The following CMTM7 variants were observed in gnomAD, a reference collection of about 807,000 sequenced individuals.
CMTM7 encodes CKLF like MARVEL transmembrane domain containing 7, also known as CKLF-like MARVEL transmembrane domain-containing protein 7.
Under a neutral mutation model 19.3 loss-of-function variants are expected in CMTM7, and 7 were observed. That is an observed-to-expected ratio of 0.36 (90% CI 0.21 to 0.68). The LOEUF is 0.68. CMTM7 is among the 30% of genes least tolerant of loss of function. CMTM7 has a pLI of 0.60. For synonymous variants in CMTM7, 87 were observed against 99.3 expected (o/e 0.88, Z 0.74); for missense variants, 193 against 232.6 (o/e 0.83, Z 1.11).
chr3:32,393,772 CAAA>C (rs34745605), intron 1 of CMTM7, among the ~76,000 whole-genome samples: 9 of 92,424 alleles, frequency 9.7e-5, no homozygotes, highest in Admixed American at 3.4e-4. Context: ...AGGCCTGTCT[CAAA>C]AAAAAAAAAA....
At chr3:32,452,584 G>T (rs183686767) in intron 4 of CMTM7, 111 bp downstream of exon 4, 2 of 1,127,666 alleles carry the variant, frequency 1.8e-6, no homozygotes, top group Admixed American at 3.5e-5. Context: ...GTGTTCCAAG[G>T]GGACTTTAGA....
intron 1 of CMTM7, among the ~76,000 whole-genome samples, chr3:32,402,743 T>A (rs531135394): frequency 5.9e-5 from 9 of 152,102 alleles, no homozygotes; most frequent in African/African-American, 2.2e-4. Flanking sequence ...ACTTTTGTAT[T>A]TTTACTAGAG....
intron 2 of CMTM7, among the ~76,000 whole-genome samples, chr3:32,447,023 A>G (rs113320146): frequency 0.01 from 1,594 of 152,092 alleles, 11 homozygotes; most frequent in African/African-American, 0.014. Context: ...CTAATTTGAG[A>G]CCTTCCTTCT....
intron 1 of CMTM7, among the ~76,000 whole-genome samples, chr3:32,423,288 A>T (rs73826531): frequency 0.014 from 2,115 of 152,310 alleles, 49 homozygotes; most frequent in African/African-American, 0.048. Context: ...AGCACACCAA[A>T]CTCAAAAGGA....
chr3:32,428,279 G>C (rs1304127253), intron 1 of CMTM7, among the ~76,000 whole-genome samples: 1 of 152,184 alleles, frequency 6.6e-6, no homozygotes, highest in East Asian at 1.9e-4. Flanking sequence ...GAGGTGGCCA[G>C]AGTGCAGCCT....
intron 1 of CMTM7, among the ~76,000 whole-genome samples, chr3:32,440,405 CA>C (rs1167647156): frequency 3.4e-5 from 5 of 146,528 alleles, no homozygotes; most frequent in Admixed American, 6.8e-5. Flanking sequence ...GACTCCATCT[CA>C]AAAAAAAAAG....
At chr3:32,413,387 G>A (rs1318955077) in intron 1 of CMTM7, among the ~76,000 whole-genome samples, 1 of 152,136 alleles carries the variant, frequency 6.6e-6, no homozygotes, top group Non-Finnish European at 1.5e-5. Flanking sequence ...CTTAAAGACA[G>A]TGACATATCA....
At chr3:32,437,996 G>C (rs1263692145) in intron 1 of CMTM7, among the ~76,000 whole-genome samples, 1 of 152,190 alleles carries the variant, frequency 6.6e-6, no homozygotes, top group Non-Finnish European at 1.5e-5. Context: ...GAGCTAGAAG[G>C]CACCTTAAGA....
chr3:32,437,960 T>C (rs1419865203), intron 1 of CMTM7, among the ~76,000 whole-genome samples: 1 of 152,198 alleles, frequency 6.6e-6, no homozygotes, highest in Non-Finnish European at 1.5e-5. Flanking sequence ...GACAGTTCAA[T>C]ATAAAAGAAC....
intron 1 of CMTM7, among the ~76,000 whole-genome samples, chr3:32,394,471 T>C (rs1192296095): frequency 6.6e-6 from 1 of 152,178 alleles, no homozygotes; most frequent in Non-Finnish European, 1.5e-5. Context: ...TCTTAAGAAA[T>C]CATTGCAAAG....
At position 32,428,186 on chromosome 3, in the gene CMTM7, G is replaced by A. The variant is rs576416804; in HGVS notation, c.160-13654G>A. Among the ~76,000 whole-genome samples, 65 of 152,174 alleles carry A rather than the reference G, an allele frequency of 4.3e-4. 1 individual carries two copies. Among genetic ancestry groups the A allele is most frequent in the Non-Finnish European group, 8.1e-4 (55 of 68,024 alleles). On this transcript the variant is annotated intron_variant, in intron 1 of 4. Transcript: ENST00000334983. ...TTGTGGCTATACCCTGAGCAGTGAG[G>A]AAGGCCCACCAGCTCTCTCCAAAGC...
chr3:32,424,637 G>GT (rs35838426), intron 1 of CMTM7, among the ~76,000 whole-genome samples: 38,700 of 144,624 alleles, frequency 0.27, 5,370 homozygotes, highest in Middle Eastern at 0.38. Context: ...TTGGGGAAAG[G>GT]TTTTTTTTTT....
intron 1 of CMTM7, among the ~76,000 whole-genome samples, chr3:32,426,307 C>A (rs1696432307): frequency 6.6e-6 from 1 of 152,168 alleles, no homozygotes; most frequent in Non-Finnish European, 1.5e-5. Context: ...ATTTTCACAC[C>A]ATGAGTCTTT....
intron 1 of CMTM7, among the ~76,000 whole-genome samples, chr3:32,405,163 T>C (rs1696071702): frequency 6.6e-6 from 1 of 152,212 alleles, no homozygotes; most frequent in Non-Finnish European, 1.5e-5. Flanking sequence ...GGCCAACCTC[T>C]TGTTGCAGTC....
chr3:32,398,506 G>C (rs984746183), intron 1 of CMTM7, among the ~76,000 whole-genome samples: 1 of 152,044 alleles, frequency 6.6e-6, no homozygotes, highest in Admixed American at 6.6e-5. Flanking sequence ...TACTCAAATA[G>C]AGAAAATAAA....
At chr3:32,435,959 AG>A (rs1483884781) in intron 1 of CMTM7, among the ~76,000 whole-genome samples, 1 of 152,188 alleles carries the variant, frequency 6.6e-6, no homozygotes, top group Non-Finnish European at 1.5e-5. Context: ...TGCTGTTACC[AG>A]CTTCCTATGT....
At chr3:32,397,295 TTCCTA>T (rs1695932431) in intron 1 of CMTM7, among the ~76,000 whole-genome samples, 1 of 135,472 alleles carries the variant, frequency 7.4e-6, no homozygotes. Flanking sequence ...TATTGTTACT[TTCCTA>T]TGTGATTATT....
chr3:32,398,185 G>T (rs1695947459), intron 1 of CMTM7, among the ~76,000 whole-genome samples: 1 of 152,208 alleles, frequency 6.6e-6, no homozygotes, highest in African/African-American at 2.4e-5. Context: ...AGAAATGGGT[G>T]CCATCTTATC....
At chr3:32,410,115 G>C (rs75624463) in intron 1 of CMTM7, among the ~76,000 whole-genome samples, 17,915 of 152,142 alleles carry the variant, frequency 0.12, 1,132 homozygotes, top group South Asian at 0.17. Flanking sequence ...GAGGGCCTTC[G>C]TCAGCCCCTC....
Sources: allele counts gnomAD v4.1 joint callset (sites outside exome capture counted in the v4.1 genomes callset), GRCh38; gene constraint gnomAD v4.1.1; transcripts MANE v1.5; gene names NCBI Gene and HGNC (gene_info 2026-07-23, HGNC 2026-07-21).